Variants in TTC3 observed in about 807,000 individuals in gnomAD.
The protein encoded by TTC3 is tetratricopeptide repeat domain 3, also known as E3 ubiquitin-protein ligase TTC3.
In TTC3, 180 loss-of-function variants were observed where a neutral mutation model predicts 249.6. The observed-to-expected ratio is 0.72, with a 90% CI of 0.64 to 0.82. TTC3 has a LOEUF of 0.82. Ranked by LOEUF, TTC3 falls within the 40% of genes least tolerant of loss-of-function variation. The pLI is 0.00. For missense variants in TTC3, 2,061 were observed against 2,398.4 expected (o/e 0.86, Z 2.94); for synonymous variants, 717 against 805.0 (o/e 0.89, Z 1.85).
rs376953452 is a variant in TTC3, at chr21:37,088,365, C to T, written c.338+19C>T. 2.2e-4 allele frequency: 345 copies of T among 1,597,468 alleles called. No individual in the cohort carries two copies. The highest frequency in any genetic ancestry group is 2.6e-4 in the Non-Finnish European group (301 of 1,170,102). The stretch of plus-strand genomic sequence containing the variant: ...ACGCCAAGTAAGTTACTATATGTTG[C>T]TCATTTTGTGTGGACAGTGATAAAC... On this transcript the variant is annotated intron_variant, in intron 4 of 45. Transcript: ENST00000355666.
exon 17 of TTC3, chr21:37,132,721 C>T (rs1177507001): frequency 3.7e-6 from 6 of 1,608,282 alleles, no homozygotes; most frequent in East Asian, 2.2e-5. Context: ...ATTTGAAGAA[C>T]ATCTTGGAGA....
intron 25 of TTC3, among the ~76,000 whole-genome samples, chr21:37,151,407 A>T (rs2079453822): frequency 6.6e-6 from 1 of 151,776 alleles, no homozygotes; most frequent in Non-Finnish European, 1.5e-5. Flanking sequence ...TCTTTCTAAG[A>T]AGTGATTTTT....
At chr21:37,186,816 A>T (rs1408213041) in intron 37 of TTC3, among the ~76,000 whole-genome samples, 1 of 152,238 alleles carries the variant, frequency 6.6e-6, no homozygotes, top group Admixed American at 6.5e-5. Flanking sequence ...GATTCTCAGC[A>T]TGCCCACCTA....
intron 30 of TTC3, among the ~76,000 whole-genome samples, chr21:37,161,312 C>G (rs145655525): frequency 8.0e-4 from 122 of 152,244 alleles, no homozygotes; most frequent in African/African-American, 2.7e-3. Context: ...GTCTCCTTCT[C>G]TCACCCAGGC....
intron 11 of TTC3, among the ~76,000 whole-genome samples, chr21:37,116,051 G>A (rs1181857686): frequency 6.6e-6 from 1 of 152,118 alleles, no homozygotes; most frequent in Non-Finnish European, 1.5e-5. Context: ...GTGTCTTCCA[G>A]TATAATATGA....
intron 36 of TTC3, among the ~76,000 whole-genome samples, chr21:37,183,916 G>C (rs546611963): frequency 6.5e-4 from 99 of 152,266 alleles, no homozygotes; most frequent in Non-Finnish European, 1.2e-3. Context: ...AATAATGGGA[G>C]GCTGGGTTCA....
At chr21:37,112,739 AAAAG>A (rs2075783565) in intron 11 of TTC3, among the ~76,000 whole-genome samples, 1 of 152,196 alleles carries the variant, frequency 6.6e-6, no homozygotes, top group South Asian at 2.1e-4. Context: ...ACACAACAAA[AAAAG>A]AGAATTTTAG....
chr21:37,159,970 T>A (rs972866133), intron 29 of TTC3, among the ~76,000 whole-genome samples: 1 of 152,234 alleles, frequency 6.6e-6, no homozygotes, highest in Non-Finnish European at 1.5e-5. Context: ...ATTAGACAAT[T>A]TCTATAAAGT....
exon 33 of TTC3, chr21:37,166,032 G>A (rs552067414): frequency 6.2e-7 from 1 of 1,614,134 alleles, no homozygotes; most frequent in East Asian, 2.2e-5. Context: ...CAACCCAAAG[G>A]GGTCTCTTCT....
intron 7 of TTC3, among the ~76,000 whole-genome samples, chr21:37,092,608 G>A (rs1260670816): frequency 6.6e-6 from 1 of 152,160 alleles, no homozygotes; most frequent in African/African-American, 2.4e-5. Flanking sequence ...GTAGTAGTAG[G>A]TAAGACTAGA....
intron 26 of TTC3, among the ~76,000 whole-genome samples, 181 bp from the exon 27 acceptor site, chr21:37,152,770 T>G (rs1415291338): frequency 6.6e-6 from 1 of 152,230 alleles, no homozygotes; most frequent in Admixed American, 6.5e-5. Flanking sequence ...TAGCGTACAC[T>G]TTCATGTCTT....
rs745856849 is a variant in TTC3 at position 37,195,883 on chromosome 21, G to A, written c.5426G>A (p.Arg1809Gln). 66 of 1,614,126 alleles carry A rather than the reference G, an allele frequency of 4.1e-5. 1 individual carries two copies. The highest frequency in any genetic ancestry group is 1.6e-4 in the Middle Eastern group (1 of 6,084). Residue 1809 changes from arginine to glutamine, a missense_variant, in exon 42 of 46, where the codon CGG (arginine) becomes CAG (glutamine). Physicochemically the swap from Arg to Gln is conservative, Grantham distance 43 (BLOSUM62 1). Around this residue, in one of 3 missense-constraint regions of TTC3, gnomAD observed 1,040 missense variants for 1,186.1 expected, o/e 0.88. Coordinates refer to ENST00000355666, the Ensembl canonical transcript of TTC3. ...GCCACTCAGCTGACAGGGCCAAAAC[G>A]GGCTGGCCAGGCAGCTCTGTCAGAA...
chr21:37,122,201 AACAG>A (rs2076636990), intron 12 of TTC3, among the ~76,000 whole-genome samples: 1 of 151,910 alleles, frequency 6.6e-6, no homozygotes, highest in Admixed American at 6.6e-5. Flanking sequence ...TTTTATTTGA[AACAG>A]ACAGCAACCA....
chr21:37,198,093 A>G (rs2085115547), intron 44 of TTC3, 68 bp downstream of exon 44: 3 of 1,488,364 alleles, frequency 2.0e-6, no homozygotes, highest in African/African-American at 1.4e-5. Flanking sequence ...TTAATCCATG[A>G]TTTAGCCCCA....
intron 6 of TTC3, 53 bp from the exon 7 acceptor site, chr21:37,091,240 C>T: frequency 6.4e-7 from 1 of 1,567,950 alleles, no homozygotes; most frequent in Non-Finnish European, 8.7e-7. Context: ...ATGCCACATG[C>T]AAATTTAGAA....
chr21:37,073,541 G>GA, intron 1 of TTC3, 68 bp downstream of exon 1: 1 of 824,654 alleles, frequency 1.2e-6, no homozygotes, highest in East Asian at 2.8e-4. Context: ...TGCATGGGTT[G>GA]GGTCCCGCGC....
chr21:37,142,664 A>G (rs1354696530), intron 20 of TTC3, among the ~76,000 whole-genome samples: 4 of 152,242 alleles, frequency 2.6e-5, no homozygotes, highest in Admixed American at 1.3e-4. Flanking sequence ...GAAAATGGCC[A>G]TATTGCCAAG....
At chr21:37,114,864 G>A (rs1162999148) in intron 11 of TTC3, among the ~76,000 whole-genome samples, 2 of 152,192 alleles carry the variant, frequency 1.3e-5, no homozygotes, top group East Asian at 1.9e-4. Context: ...AAAAAATGAT[G>A]AGTTCATGTC....
At position 37,192,219 on chromosome 21, in the gene TTC3, T is replaced by C. The variant is rs1569187759; in HGVS notation, c.5217+6T>C. ...CATTTCCTGCCTGTAACACGGTAAG[T>C]CTAGCACATCTTTTTTTTTTTTTTA... is the stretch of plus-strand genomic sequence containing the variant. On this transcript the variant is annotated splice_donor_region_variant and intron_variant, in intron 41 of 45. Transcript: ENST00000355666. 1 of 1,545,884 alleles carries C rather than the reference T, an allele frequency of 6.5e-7. No homozygotes were observed. The highest frequency in any genetic ancestry group is 8.7e-7 in the Non-Finnish European group (1 of 1,144,838).
Sources: allele counts gnomAD v4.1 joint callset (sites outside exome capture counted in the v4.1 genomes callset), GRCh38; gene constraint gnomAD v4.1.1; regional missense constraint gnomAD v4.1.1; transcripts MANE v1.5; gene names NCBI Gene and HGNC (gene_info 2026-07-23, HGNC 2026-07-21).